Variants in COL4A1 observed in about 807,000 individuals in gnomAD.
The protein encoded by COL4A1 is collagen alpha-1(IV) chain.
COL4A1 carries 40 observed loss-of-function variants against 216.6 expected under a neutral mutation model. The ratio of observed to expected loss-of-function variants is 0.18; its 90% CI spans 0.14 to 0.24. The LOEUF (loss-of-function observed/expected upper bound fraction) is 0.24. Among genes scored for constraint, COL4A1 ranks in the 10% least tolerant of loss-of-function variants. The pLI is 1.00. For missense variants in COL4A1, 1,628 were observed against 2,196.8 expected, an observed-to-expected ratio of 0.74 and a Z score of 5.18; for synonymous variants, 839 against 810.7, an observed-to-expected ratio of 1.03 and a Z score of -0.59.
intron 2 of COL4A1, among the ~76,000 whole-genome samples, chr13:110,227,948 G>A (rs577073180): frequency 4.8e-4 from 73 of 152,266 alleles, no homozygotes; most frequent in Non-Finnish European, 7.6e-4. Flanking sequence ...TGGTCCCTGC[G>A]GTCCCTAAAT....
At chr13:110,239,816 G>T (rs1881477580) in intron 2 of COL4A1, among the ~76,000 whole-genome samples, 1 of 152,166 alleles carries the variant, frequency 6.6e-6, no homozygotes, top group Admixed American at 6.5e-5. Flanking sequence ...GCTGACTTTG[G>T]GATGAGAGAA....
intron 41 of COL4A1, among the ~76,000 whole-genome samples, chr13:110,171,357 G>T (rs932962497): frequency 6.6e-6 from 1 of 152,166 alleles, no homozygotes; most frequent in Non-Finnish European, 1.5e-5. Context: ...GGAGACTTTT[G>T]GGGGAAGGCT....
chr13:110,253,554 A>T (rs867988402), intron 1 of COL4A1, among the ~76,000 whole-genome samples: 2 of 142,488 alleles, frequency 1.4e-5, no homozygotes, highest in African/African-American at 5.1e-5. Flanking sequence ...TTACATATAC[A>T]TATAATTATA....
intron 12 of COL4A1, 122 bp downstream of exon 12, chr13:110,208,727 A>T: frequency 2.1e-6 from 2 of 946,016 alleles, no homozygotes; most frequent in Non-Finnish European, 3.5e-6. Flanking sequence ...TACCAAATGC[A>T]AGAACATGCA....
At chr13:110,282,289 C>T (rs1030395755) in intron 1 of COL4A1, among the ~76,000 whole-genome samples, 15 of 152,184 alleles carry the variant, frequency 9.9e-5, no homozygotes, top group African/African-American at 2.7e-4. Context: ...GACAACCCAC[C>T]TCACACTGTC....
At chr13:110,174,306 T>G in intron 39 of COL4A1, 140 bp downstream of exon 39, 1 of 890,278 alleles carries the variant, frequency 1.1e-6, no homozygotes, top group South Asian at 1.4e-5. Flanking sequence ...TGCACTAGAC[T>G]CAGTTTGCCC....
chr13:110,187,014 C>A, intron 25 of COL4A1, 124 bp downstream of exon 25: 1 of 1,282,798 alleles, frequency 7.8e-7, no homozygotes, highest in Non-Finnish European at 1.1e-6. Context: ...AATCATGAAA[C>A]AAGTTCATTT....
intron 2 of COL4A1, among the ~76,000 whole-genome samples, chr13:110,239,158 T>C (rs1016564294): frequency 5.9e-5 from 9 of 152,186 alleles, no homozygotes; most frequent in Non-Finnish European, 1.3e-4. Context: ...GATCAAGCTA[T>C]CTAGTATTTA....
In COL4A1 at chr13:110,289,314, G is replaced by A. The variant is rs1341973880; in HGVS notation, c.84+17630C>T. On this transcript the variant is annotated intron_variant, in intron 1 of 51. Coordinates refer to ENST00000375820, the MANE Select transcript of COL4A1 (RefSeq NM_001845.6). ...CCAGGCCGGGGTGCCATCCACTGCC[G>A]CGACCAAGAGGAGACCCTTCCCAAG... Among the ~76,000 whole-genome samples the A allele has an allele frequency of 6.6e-5, 10 of 152,212 alleles. No individual in the cohort carries two copies. In the South Asian group the frequency reaches 8.3e-4, roughly 13 times the overall value.
At position 110,211,824 on chromosome 13, in the gene COL4A1, C is replaced by T. The variant is rs1198848933; in HGVS notation, c.441+45G>A. 3 of 1,603,252 alleles carry T rather than the reference C, an allele frequency of 1.9e-6. No homozygotes were observed. The South Asian group carries it at 3.3e-5, about 18-fold the overall frequency. ...GGAAATGGAATGAAAAGAGAGAAGT[C>T]ATAACTAAAAGAAAGAAGTTCTGCC... On this transcript the variant is annotated intron_variant, in intron 7 of 51. Coordinates refer to ENST00000375820, the MANE Select transcript of COL4A1 (RefSeq NM_001845.6). This position sits in a 1 kb window ranked among gnomAD's most constrained non-coding sequence, Gnocchi z 4.3.
chr13:110,195,557 C>T (rs1445175859), intron 21 of COL4A1, among the ~76,000 whole-genome samples: 1 of 152,150 alleles, frequency 6.6e-6, no homozygotes, highest in Non-Finnish European at 1.5e-5. Flanking sequence ...ACCCAATTTA[C>T]AGCAAAACTA....
intron 11 of COL4A1, 147 bp from the exon 12 acceptor site, chr13:110,209,037 C>A (rs976868394): frequency 3.4e-6 from 3 of 887,032 alleles, no homozygotes. Context: ...TGGAAAGTAA[C>A]GATCATGCTG....
At chr13:110,244,993 G>C (rs1237663914) in intron 1 of COL4A1, among the ~76,000 whole-genome samples, 1 of 152,098 alleles carries the variant, frequency 6.6e-6, no homozygotes, top group Non-Finnish European at 1.5e-5. Context: ...TGCTGTTACT[G>C]GTGTTACCCA....
chr13:110,151,819 G>T (rs1876514104), intron 51 of COL4A1, among the ~76,000 whole-genome samples: 1 of 152,182 alleles, frequency 6.6e-6, no homozygotes, highest in African/African-American at 2.4e-5. Context: ...TTTTAAAGGT[G>T]AGATTTTGGT....
rs1490988912 is a variant in COL4A1 at position 110,221,402 on chromosome 13, C to G, written c.145-7387G>C. On this transcript the variant is annotated intron_variant, in intron 2 of 51. Transcript: ENST00000375820. Reference sequence around the variant, plus strand: ...ACTATCATTCAACACAAGAATAACTCAAGGGGGCCCTCAGTATGGTCTTCT... The same window carrying G: ...ACTATCATTCAACACAAGAATAACTGAAGGGGGCCCTCAGTATGGTCTTCT... Among the ~76,000 whole-genome samples the G allele has an allele frequency of 2.0e-5, 3 of 152,274 alleles. 1 individual carries two copies. The highest frequency in any genetic ancestry group is 7.2e-5 in the African/African-American group (3 of 41,550).
chr13:110,167,061 A>G, intron 44 of COL4A1, 97 bp downstream of exon 44: 1 of 932,988 alleles, frequency 1.1e-6, no homozygotes, highest in Non-Finnish European at 1.8e-6. Context: ...CTATAATGGC[A>G]GCGGTGCTAT....
chr13:110,264,009 C>T (rs1187346555), intron 1 of COL4A1, among the ~76,000 whole-genome samples: 1 of 152,216 alleles, frequency 6.6e-6, no homozygotes, highest in Non-Finnish European at 1.5e-5. Flanking sequence ...AGGACATCCT[C>T]ATCCCTCGCA....
Position 110,172,733 on chromosome 13 carries a change from G to C in COL4A1, c.3543C>G (p.Ala1181=), listed in dbSNP as rs775933165. The part of the protein sequence containing the change: ...PGRGFPGFPG[A]KGDKGSKGEV... Reference sequence around the variant, plus strand: ...AGCAAAGATTACCTTTGTCTCCTTTGGCCCCTGGAAACCCTGGGAATCCTC... The same window carrying C: ...AGCAAAGATTACCTTTGTCTCCTTTCGCCCCTGGAAACCCTGGGAATCCTC... Residue 1181 remains alanine (A), a synonymous_variant, in exon 41 of 52, where the codon GCC becomes GCG. Transcript: ENST00000375820. The C allele has an allele frequency of 7.4e-6, 12 of 1,613,974 alleles. No individual in the cohort carries two copies. Among genetic ancestry groups the C allele is most frequent in the South Asian group, 3.3e-5 (3 of 91,066 alleles).
At chr13:110,223,057 T>A (rs1256982696) in intron 2 of COL4A1, among the ~76,000 whole-genome samples, 2 of 152,314 alleles carry the variant, frequency 1.3e-5, no homozygotes, top group East Asian at 3.9e-4. Flanking sequence ...GAATGATGGA[T>A]ATTTTCTGGA....
Sources: allele counts gnomAD v4.1 joint callset (sites outside exome capture counted in the v4.1 genomes callset), GRCh38; gene constraint gnomAD v4.1.1; non-coding constraint Gnocchi (gnomAD v3.1); transcripts MANE v1.5; gene names NCBI Gene and HGNC (gene_info 2026-07-23, HGNC 2026-07-21).